The following VPS39 variants were observed in gnomAD, a reference collection of about 807,000 sequenced individuals.
The protein encoded by VPS39 is vam6/Vps39-like protein.
Under a neutral mutation model 121.0 loss-of-function variants are expected in VPS39, and 70 were observed. That is an observed-to-expected ratio of 0.58 (90% confidence interval 0.48 to 0.71). The LOEUF is 0.71. Ranked by LOEUF, VPS39 falls within the 30% of genes least tolerant of loss-of-function variation. The probability of loss-of-function intolerance (pLI) is 0.00; values close to 1 mark genes in which losing one functional copy is unlikely to be tolerated. For missense variants in VPS39, 818 were observed against 1,051.5 expected (o/e 0.78, Z 3.07); for synonymous variants, 378 against 398.1 (o/e 0.95, Z 0.60).
intron 16 of VPS39, 133 bp from the exon 17 acceptor site, chr15:42,165,949 A>G: frequency 1.1e-6 from 1 of 940,642 alleles, no homozygotes; most frequent in Non-Finnish European, 1.7e-6. Context: ...GTAGGCAGTC[A>G]GCATGTCAGA....
intron 2 of VPS39, chr15:42,192,185 A>G: frequency 1.5e-6 from 2 of 1,325,330 alleles, no homozygotes; most frequent in Admixed American, 2.0e-5. Flanking sequence ...TTCAGCCTCA[A>G]AAGTCACCAA....
rs371541163 is a variant in VPS39 at position 42,178,294 on chromosome 15, A to G, written c.884T>C (p.Leu295Pro). 2 of 1,614,084 alleles carry G rather than the reference A, an allele frequency of 1.2e-6. No homozygotes were observed. Among genetic ancestry groups the G allele is most frequent in the Non-Finnish European group, 1.7e-6 (2 of 1,180,048 alleles). Residue 295 changes from leucine (L) to proline (P), a missense_variant, in exon 10 of 25, where the codon CTC (leucine) becomes CCC (proline). By Grantham distance (98) the Leu-to-Pro change is moderately conservative. Coordinates refer to ENST00000318006, the MANE Select transcript of VPS39 (RefSeq NM_015289.5). ...YVASNHFVWR[L>P]IPVPMATQIQ... is the part of the protein sequence containing the mutation. ...TTGGGTTGCCATGGGGACAGGGATG[A>G]GTCTCCAAACAAAATGATTGCTGGC...
chr15:42,167,267 T>C (rs2049262120), intron 13 of VPS39, 127 bp downstream of exon 13: 2 of 1,244,878 alleles, frequency 1.6e-6, no homozygotes, highest in East Asian at 4.9e-5. Flanking sequence ...GAAGTCTATA[T>C]GGTTTCCAGA....
At chr15:42,189,066 CTG>C (rs1159216510) in intron 5 of VPS39, 46 bp downstream of exon 5, 1 of 1,331,040 alleles carries the variant, frequency 7.5e-7, no homozygotes, top group Non-Finnish European at 1.1e-6. Flanking sequence ...GTAGGAAAGA[CTG>C]TATTGATTAA....
chr15:42,176,449 A>T (rs1177609897), intron 10 of VPS39, among the ~76,000 whole-genome samples: 2 of 152,122 alleles, frequency 1.3e-5, no homozygotes, highest in Non-Finnish European at 2.9e-5. Context: ...GATAATGATT[A>T]CATCTGGAGG....
rs377286842 is a variant in VPS39, at chr15:42,164,541, G to A, written c.1898-55C>T. On this transcript the variant is annotated intron_variant, in intron 18 of 24. Transcript: ENST00000318006. ...GGACACTGCCAGGTGGCAATGTAGG[G>A]TCATCAAGAAAAATGAAGGGAATGG... 6.9e-5 allele frequency: 111 copies of A among 1,599,954 alleles called. 1 individual carries two copies. The African/African-American group carries it at 1.3e-3, about 19-fold the overall frequency.
chr15:42,162,463 G>T lies in VPS39; in HGVS notation c.2194C>A (p.Arg732=). ...ATGCTGGGGGGCGACAGGTACATCC[G>T]AAGCAGGGACAGATACACCTGTCTC... is the stretch of plus-strand genomic sequence containing the variant. ...GNKDVYLSLL[R]MYLSPPSIHC... is the part of the protein sequence containing the mutation. Residue 732 remains arginine, a synonymous_variant, in exon 22 of 25, where the codon CGG becomes AGG. Coordinates refer to ENST00000318006, the MANE Select transcript of VPS39 (RefSeq NM_015289.5). The T allele has an allele frequency of 6.2e-7, 1 of 1,608,028 alleles. No homozygotes were observed. Among genetic ancestry groups the T allele is most frequent in the Non-Finnish European group, 8.5e-7 (1 of 1,176,310 alleles).
At chr15:42,166,974 C>A in intron 13 of VPS39, 61 bp from the exon 14 acceptor site, 1 of 1,605,626 alleles carries the variant, frequency 6.2e-7, no homozygotes. Context: ...CCTTCCCTGG[C>A]CCAGGCCTGC....
rs1287428935 is a variant in VPS39 at position 42,198,081 on chromosome 15, T to A, written c.139+1815A>T. On this transcript the variant is annotated intron_variant, in intron 2 of 24. Coordinates refer to ENST00000318006, the MANE Select transcript of VPS39 (RefSeq NM_015289.5). ...CAAAGGTGACATGATAAAATGATCA[T>A]AGGGCAAGGAATAGTCGCCACCAGG... 3.9e-5 allele frequency among the ~76,000 whole-genome samples: 6 copies of A among 152,196 alleles called. No homozygotes were observed. The East Asian group carries it at 1.2e-3, about 29-fold the overall frequency.
At chr15:42,163,215 A>G in intron 21 of VPS39, 135 bp downstream of exon 21, 4 of 1,075,134 alleles carry the variant, frequency 3.7e-6, no homozygotes, top group Non-Finnish European at 5.6e-6. Context: ...CTGTCCCTCA[A>G]TACACACATG....
chr15:42,163,186 C>T (rs1050465172), intron 21 of VPS39, among the ~76,000 whole-genome samples, 164 bp downstream of exon 21: 2 of 152,136 alleles, frequency 1.3e-5, no homozygotes, highest in Admixed American at 6.5e-5. Context: ...CCAAGCACAC[C>T]AGGATGAATG....
In VPS39 at chr15:42,163,166, C is replaced by T. The variant is rs529930266; in HGVS notation, c.2175+184G>A. 5.3e-5 allele frequency among the ~76,000 whole-genome samples: 8 copies of T among 152,178 alleles called. No individual in the cohort carries two copies. The South Asian group carries it at 1.7e-3, about 32-fold the overall frequency. On this transcript the variant is annotated intron_variant, in intron 21 of 24. Transcript: ENST00000318006. ...TCACAGGGATAACAAAGATATACGCCAGAACTACCCCAAGCACACCAGGAT... is the reference window on the plus strand; with the variant it reads ...TCACAGGGATAACAAAGATATACGCTAGAACTACCCCAAGCACACCAGGAT...
chr15:42,164,165 C>T (rs1272739590), intron 19 of VPS39, among the ~76,000 whole-genome samples, 193 bp downstream of exon 19: 1 of 152,174 alleles, frequency 6.6e-6, no homozygotes, highest in Admixed American at 6.5e-5. Flanking sequence ...GTGGTTCATA[C>T]CCAGGAAGGA....
intron 2 of VPS39, among the ~76,000 whole-genome samples, chr15:42,192,360 G>A (rs2049846673): frequency 6.6e-6 from 1 of 152,124 alleles, no homozygotes; most frequent in Admixed American, 6.5e-5. Context: ...ATATTTGAGG[G>A]GCATGAGGGG....
At chr15:42,187,905 C>T in intron 5 of VPS39, 49 bp from the exon 6 acceptor site, 1 of 1,523,372 alleles carries the variant, frequency 6.6e-7, no homozygotes, top group Non-Finnish European at 9.1e-7. Flanking sequence ...CTCTCTCTAA[C>T]TGAGTGATAA....
In VPS39 at chr15:42,161,665, G is replaced by A; in HGVS notation, c.2552+17C>T. ...TCCACAAAGCCCAGATGCCACACAG[G>A]TGTGAAGGAGGCTCACCTGTTCCCA... On this transcript the variant is annotated intron_variant, in intron 24 of 24. Transcript: ENST00000318006. The A allele has an allele frequency of 6.2e-7, 1 of 1,613,428 alleles. No individual in the cohort carries two copies. Among genetic ancestry groups the A allele is most frequent in the Non-Finnish European group, 8.5e-7 (1 of 1,179,348 alleles).
chr15:42,191,407 A>G, intron 3 of VPS39, 89 bp downstream of exon 3: 1 of 1,347,234 alleles, frequency 7.4e-7, no homozygotes, highest in Non-Finnish European at 1.0e-6. Context: ...AAGAGGATTC[A>G]GAGTTAATAA....
In VPS39 at chr15:42,166,222, G is replaced by C. The variant is rs1433236731; in HGVS notation, c.1617C>G (p.Asn539Lys). The change falls in exon 16 of 25, where the codon AAC becomes AAG. Residue 539 changes from asparagine (N) to lysine (K), a missense_variant. Physicochemically the swap from Asn to Lys is moderately conservative, Grantham distance 94. Transcript: ENST00000318006. The stretch of plus-strand genomic sequence containing the variant: ...CTGAGTAGGAGAAAATCAAATGCAG[G>C]TTTTCTGTGCCTAGAAGGAAAAGCA... Reference protein sequence around the residue: ...VQYLQHLGTENLHLIFSYSVW... With the variant: ...VQYLQHLGTEKLHLIFSYSVW... The C allele has an allele frequency of 6.2e-7, 1 of 1,614,076 alleles. No homozygotes were observed.
At chr15:42,160,927 C>G in intron 24 of VPS39, 98 bp from the exon 25 acceptor site, 4 of 1,293,336 alleles carry the variant, frequency 3.1e-6, no homozygotes, top group Non-Finnish European at 4.5e-6. Context: ...TGCTGGGGGG[C>G]CATTCCAAAA....
Sources: gnomAD v4.1 joint callset for allele counts (sites outside exome capture counted in the v4.1 genomes callset) on GRCh38, gnomAD v4.1.1 for gene constraint, MANE v1.5 for transcripts, NCBI Gene and HGNC (gene_info 2026-07-23, HGNC 2026-07-21) for gene names.